Variants in SLC5A11 observed in about 807,000 individuals in gnomAD.
SLC5A11 encodes sodium/myo-inositol cotransporter 2.
Under a neutral mutation model 69.8 loss-of-function variants are expected in SLC5A11, and 48 were observed. The ratio of observed to expected loss-of-function variants is 0.69; its 90% CI spans 0.55 to 0.87. SLC5A11 has a LOEUF of 0.87. Among genes scored for constraint, SLC5A11 ranks in the 40% least tolerant of loss-of-function variants. The pLI is 0.00. For synonymous variants in SLC5A11, 319 were observed against 342.4 expected (o/e 0.93, Z 0.75); for missense variants, 784 against 866.1 (o/e 0.91, Z 1.19).
Position 24,884,139 on chromosome 16 carries a change from G to A in SLC5A11, c.664+8G>A. On this transcript the variant is annotated splice_region_variant and intron_variant, in intron 8 of 15. Transcript: ENST00000347898. The stretch of plus-strand genomic sequence containing the variant: ...TCACCTTGATGGGCTACAGTAAGTG[G>A]GGTCCCCGGGTCACTGGGGCGGACA... The A allele has an allele frequency of 1.2e-6, 2 of 1,613,768 alleles. No individual in the cohort carries two copies. The highest frequency in any genetic ancestry group is 1.7e-6 in the Non-Finnish European group (2 of 1,179,762).
At chr16:24,861,193 G>A (rs999860087) in intron 2 of SLC5A11, among the ~76,000 whole-genome samples, 7 of 151,400 alleles carry the variant, frequency 4.6e-5, no homozygotes, top group African/African-American at 1.5e-4. Flanking sequence ...TAACAACTTT[G>A]AGATAAAAGG....
intron 1 of SLC5A11, among the ~76,000 whole-genome samples, chr16:24,850,407 C>T (rs1313872505): frequency 6.6e-6 from 1 of 152,230 alleles, no homozygotes; most frequent in African/African-American, 2.4e-5. Context: ...TGACTCTTTT[C>T]CTCTTGTAGG....
intron 3 of SLC5A11, 64 bp from the exon 5 acceptor site, chr16:24,869,837 T>C (rs911830236): frequency 1.9e-4 from 219 of 1,142,814 alleles, no homozygotes; most frequent in Non-Finnish European, 2.8e-4. Context: ...TGGAAATAAT[T>C]GGGGGTGGGG....
intron 10 of SLC5A11, among the ~76,000 whole-genome samples, chr16:24,901,146 TG>T (rs2152401187): frequency 6.6e-6 from 1 of 152,170 alleles, no homozygotes; most frequent in East Asian, 1.9e-4. Flanking sequence ...ACTTGTAAAA[TG>T]GGGGTAATAT....
chr16:24,882,541 C>T (rs1463184410), intron 7 of SLC5A11, among the ~76,000 whole-genome samples: 1 of 152,162 alleles, frequency 6.6e-6, no homozygotes, highest in African/African-American at 2.4e-5. Context: ...TGTCCCTTCT[C>T]CTCAGGGAAG....
intron 3 of SLC5A11, among the ~76,000 whole-genome samples, chr16:24,864,554 T>A (rs570622387): frequency 1.3e-5 from 2 of 152,298 alleles, no homozygotes; most frequent in South Asian, 4.1e-4. Flanking sequence ...TGACATCATT[T>A]TAAATGTCCA....
intron 3 of SLC5A11, among the ~76,000 whole-genome samples, chr16:24,867,843 A>T (rs2047009525): frequency 6.6e-6 from 1 of 152,204 alleles, no homozygotes; most frequent in South Asian, 2.1e-4. Context: ...ATATCTATAA[A>T]AAGTAAAGAC....
At chr16:24,906,797 T>C (rs1452859747) in intron 11 of SLC5A11, 33 bp downstream of exon 12, 6 of 1,568,384 alleles carry the variant, frequency 3.8e-6, no homozygotes, top group Admixed American at 1.7e-5. Context: ...TCAAGTCCCC[T>C]GGAGCACCCA....
chr16:24,848,308 G>A (rs994072828), intron 1 of SLC5A11, among the ~76,000 whole-genome samples: 14 of 152,114 alleles, frequency 9.2e-5, no homozygotes, highest in African/African-American at 3.1e-4. Context: ...CGTGTGAGGG[G>A]CGGATTAAAA....
intron 10 of SLC5A11, among the ~76,000 whole-genome samples, chr16:24,905,513 C>T (rs1002207291): frequency 6.6e-6 from 1 of 151,774 alleles, no homozygotes; most frequent in African/African-American, 2.4e-5. Flanking sequence ...ATGGTACATG[C>T]CTGTAATTCC....
In SLC5A11 at chr16:24,853,418, A is replaced by G. The variant is rs564729422; in HGVS notation, c.-24-5202A>G. 5.9e-5 allele frequency among the ~76,000 whole-genome samples: 9 copies of G among 152,310 alleles called. No homozygotes were observed. The East Asian group carries it at 1.7e-3, about 29-fold the overall frequency. ...GAGCTTGGCACACCGCTGGTGACTA[A>G]TAAATGTTCCACTGAGTTGCAGGGC... On this transcript the variant is annotated intron_variant, in intron 1 of 15. Coordinates refer to ENST00000347898, the Ensembl canonical transcript of SLC5A11.
intron 2 of SLC5A11, among the ~76,000 whole-genome samples, chr16:24,860,300 A>T (rs1208182745): frequency 6.6e-6 from 1 of 151,748 alleles, no homozygotes; most frequent in Non-Finnish European, 1.5e-5. Flanking sequence ...AAATATATAT[A>T]AAAAAATTAG....
intron 9 of SLC5A11, among the ~76,000 whole-genome samples, chr16:24,896,960 TTTTTTTTTTTG>T (rs2049219174): frequency 7.1e-6 from 1 of 140,864 alleles, no homozygotes; most frequent in Non-Finnish European, 1.5e-5. Flanking sequence ...TTTTTTTTTT[TTTTTTTTTTTG>T]AGACAGAGTC....
chr16:24,875,596 C>T, intron 5 of SLC5A11, 31 bp from the exon 7 acceptor site: 1 of 1,592,686 alleles, frequency 6.3e-7, no homozygotes, highest in Non-Finnish European at 8.6e-7. Context: ...GTGAAGTCCG[C>T]TGGTGGTGAA....
chr16:24,907,017 G>C lies in SLC5A11; in HGVS notation c.1115-8G>C, dbSNP rs139933182. On this transcript the variant is annotated splice_region_variant and splice_polypyrimidine_tract_variant and intron_variant, in intron 11 of 15. Coordinates refer to ENST00000347898, the Ensembl canonical transcript of SLC5A11. ...GACCGAGGCCCATGACCTCCCTTCCGCCCCCAGGGCTCCGTGGGCTGATGA... is the reference window on the plus strand; with the variant it reads ...GACCGAGGCCCATGACCTCCCTTCCCCCCCCAGGGCTCCGTGGGCTGATGA... 1 of 1,612,924 alleles carries C rather than the reference G, an allele frequency of 6.2e-7. No individual in the cohort carries two copies. Among genetic ancestry groups the C allele is most frequent in the Non-Finnish European group, 8.5e-7 (1 of 1,179,502 alleles).
intron 1 of SLC5A11, among the ~76,000 whole-genome samples, chr16:24,852,665 C>G (rs761716918): frequency 2.6e-5 from 4 of 152,144 alleles, no homozygotes; most frequent in Non-Finnish European, 5.9e-5. Context: ...CCGAGTGGGC[C>G]CAGGTACACA....
rs768256258 is a variant in SLC5A11 at position 24,858,610 on chromosome 16, C to T, written c.-24-10C>T. 12 of 1,581,580 alleles carry T rather than the reference C, an allele frequency of 7.6e-6. No homozygotes were observed. The Admixed American group carries it at 1.9e-4, about 25-fold the overall frequency. On this transcript the variant is annotated splice_polypyrimidine_tract_variant and intron_variant, in intron 1 of 15. Coordinates refer to ENST00000347898, the Ensembl canonical transcript of SLC5A11. ...GATCTGGCATTTGACTGGCATTTGC[C>T]CTTCCTCAGGATCCAGAGGTCTCGT...
intron 6 of SLC5A11, 120 bp downstream of exon 7, chr16:24,875,851 G>T: frequency 1.3e-6 from 1 of 795,276 alleles, no homozygotes; most frequent in South Asian, 1.7e-5. Flanking sequence ...TAGGCTGCAG[G>T]GAGATTAGAG....
At chr16:24,891,341 G>T (rs1392132843) in intron 9 of SLC5A11, among the ~76,000 whole-genome samples, 2 of 138,962 alleles carry the variant, frequency 1.4e-5, no homozygotes, top group East Asian at 2.1e-4. Context: ...CTGAGACAGG[G>T]TCTCACTCTA....
Sources: allele counts gnomAD v4.1 joint callset (sites outside exome capture counted in the v4.1 genomes callset), GRCh38; gene constraint gnomAD v4.1.1; transcripts MANE v1.5; gene names NCBI Gene and HGNC (gene_info 2026-07-23, HGNC 2026-07-21).